The following ATP13A2 variants were observed in gnomAD, a reference collection of about 807,000 sequenced individuals.
The protein encoded by ATP13A2 is ATPase cation transporting 13A2.
In ATP13A2, 83 loss-of-function variants were observed where a neutral mutation model predicts 138.3. The observed-to-expected ratio is 0.60, with a 90% CI of 0.50 to 0.72. The LOEUF (loss-of-function observed/expected upper bound fraction) is 0.72. Among genes scored for constraint, ATP13A2 ranks in the 30% least tolerant of loss-of-function variants. The probability of loss-of-function intolerance (pLI) is 0.00; values close to 1 mark genes in which losing one functional copy is unlikely to be tolerated. For missense variants in ATP13A2, 1,402 were observed against 1,606.4 expected (o/e 0.87, Z 2.17); for synonymous variants, 663 against 699.0 (o/e 0.95, Z 0.81).
intron 6 of ATP13A2, 23 bp from the exon 7 acceptor site, chr1:17,002,396 A>C (rs1286382457): frequency 6.2e-7 from 1 of 1,609,496 alleles, no homozygotes; most frequent in Non-Finnish European, 8.5e-7. Flanking sequence ...GCGAGGGGAC[A>C]CGCATGGGCC....
chr1:17,001,389 T>C (rs925256043), intron 8 of ATP13A2, among the ~76,000 whole-genome samples: 1 of 151,284 alleles, frequency 6.6e-6, no homozygotes, highest in Admixed American at 6.6e-5. Flanking sequence ...GATCACGCCA[T>C]TGCACTCCAG....
At position 16,988,339 on chromosome 1, in the gene ATP13A2, G is replaced by A. The variant is rs372361807; in HGVS notation, c.2745C>T (p.Cys915=). The A allele has an allele frequency of 5.6e-5, 91 of 1,614,048 alleles. No homozygotes were observed. The highest frequency in any genetic ancestry group is 6.8e-5 in the Non-Finnish European group (80 of 1,180,048). Residue 915 remains cysteine (C), a synonymous_variant, in exon 24 of 29, where the codon TGC becomes TGT. Coordinates refer to ENST00000326735, the MANE Select transcript of ATP13A2 (RefSeq NM_022089.4). Reference sequence around the variant, plus strand: ...TGCCTTACCTGATGACCATGGGCACGCACTCAATACTGGCCATGCTCGAGG... The same window carrying A: ...TGCCTTACCTGATGACCATGGGCACACACTCAATACTGGCCATGCTCGAGG... The part of the protein sequence containing the change: ...PFTSSMASIE[C]VPMVIREGRC...
chr1:17,005,468 A>C lies in ATP13A2; in HGVS notation c.194T>G (p.Phe65Cys). 1 of 1,614,234 alleles carries C rather than the reference A, an allele frequency of 6.2e-7. No individual in the cohort carries two copies. The highest frequency in any genetic ancestry group is 8.5e-7 in the Non-Finnish European group (1 of 1,180,052). ...WMMAGIPLLL[F>C]RWKPLWGVRL... ...CACCCCCCACAGGGGCTTCCAACGG[A>C]AGAGCAGCAAAGGGATCCCAGCCAT... Residue 65 changes from phenylalanine to cysteine, a missense_variant, in exon 3 of 29, where the codon TTC becomes TGC. Coordinates refer to ENST00000326735, the MANE Select transcript of ATP13A2 (RefSeq NM_022089.4).
intron 1 of ATP13A2, among the ~76,000 whole-genome samples, chr1:17,009,526 T>G (rs2077701702): frequency 1.3e-5 from 2 of 151,584 alleles, no homozygotes; most frequent in Admixed American, 1.3e-4. Context: ...GCCTCCCAAG[T>G]AGCTGGCACT....
Position 17,011,621 on chromosome 1 carries a change from C to G in ATP13A2, c.10+108G>C. ...AACCAGGTCCCGCTTCCTGGGCTCGCGACCCCGCGGTGGGGGGCGTCGCCT... is the reference window on the plus strand; with the variant it reads ...AACCAGGTCCCGCTTCCTGGGCTCGGGACCCCGCGGTGGGGGGCGTCGCCT... On this transcript the variant is annotated intron_variant, in intron 1 of 28. Coordinates refer to ENST00000326735, the MANE Select transcript of ATP13A2 (RefSeq NM_022089.4). This position sits in a 1 kb window ranked among gnomAD's most constrained non-coding sequence, Gnocchi z 7.3. 1 of 1,346,818 alleles carries G rather than the reference C, an allele frequency of 7.4e-7. No individual in the cohort carries two copies. Among genetic ancestry groups the G allele is most frequent in the Non-Finnish European group, 9.6e-7 (1 of 1,039,112 alleles). 83.4% of individuals were successfully genotyped at this position (1,346,818 alleles called of 1,614,324 possible).
At position 16,996,438 on chromosome 1, in the gene ATP13A2, G is replaced by A. The variant is rs1397286446; in HGVS notation, c.1254C>T (p.Asn418=). The A allele has an allele frequency of 6.2e-7, 1 of 1,614,188 alleles. No homozygotes were observed. Among genetic ancestry groups the A allele is most frequent in the South Asian group, 1.1e-5 (1 of 91,090 alleles). ...VSSILHPRPI[N]FKFYKHSMKF... is the part of the protein sequence containing the mutation. ...TCATGCTGTGTTTATAGAACTTGAA[G>A]TTGATGGGCCGGGGGTGCAAGATGG... The change falls in exon 13 of 29, where the codon AAC becomes AAT. Residue 418 remains asparagine, a synonymous_variant. Coordinates refer to ENST00000326735, the MANE Select transcript of ATP13A2 (RefSeq NM_022089.4).
Position 17,000,156 on chromosome 1 carries a change from G to GGA in ATP13A2, c.908-16_908-15dup. On this transcript the variant is annotated splice_polypyrimidine_tract_variant and intron_variant, in intron 10 of 28. Coordinates refer to ENST00000326735, the MANE Select transcript of ATP13A2 (RefSeq NM_022089.4). ...CCCACTCTTCCTCTGCAGGCAGGCA[G>GGA]GAGAGGAGCTCAGCTAGGTGGGGCC... The GGA allele has an allele frequency of 1.2e-6, 2 of 1,612,974 alleles. No homozygotes were observed. Among genetic ancestry groups the GGA allele is most frequent in the Non-Finnish European group, 1.7e-6 (2 of 1,179,944 alleles).
rs770521949 is a variant in ATP13A2 at position 16,996,006 on chromosome 1, C to T, written c.1512G>A (p.Gly504=). 3 of 1,613,968 alleles carry T rather than the reference C, an allele frequency of 1.9e-6. No individual in the cohort carries two copies. The highest frequency in any genetic ancestry group is 1.3e-5 in the African/African-American group (1 of 74,954). The change falls in exon 15 of 29, where the codon GGG becomes GGA. Residue 504 remains glycine, a synonymous_variant. Coordinates refer to ENST00000326735, the MANE Select transcript of ATP13A2 (RefSeq NM_022089.4). ...CGAAACACACCAGCTGCAGCTTGCC[C>T]CCCAGGTTGATGCGCAGTGGGTGGA... The part of the protein sequence containing the change: ...FCIHPLRINL[G]GKLQLVCFDK...
Position 16,992,326 on chromosome 1 carries a change from A to G in ATP13A2, c.1922T>C (p.Val641Ala), listed in dbSNP as rs761616177. Residue 641 changes from valine to alanine, a missense_variant, in exon 18 of 29, where the codon GTG becomes GCG. By Grantham distance (64) the Val-to-Ala change is moderately conservative. Transcript: ENST00000326735. ...SSALQRMSVV[V>A]AWPGATQPEA... ...GGGCTGAGTGGCCCCTGGCCACGCC[A>G]CCACCACACTCATGCGCTGCAGAGC... 31 of 1,612,780 alleles carry G rather than the reference A, an allele frequency of 1.9e-5. No homozygotes were observed. The East Asian group carries it at 5.8e-4, about 30-fold the overall frequency.
Position 16,992,249 on chromosome 1 carries a change from C to T in ATP13A2, c.1999G>A (p.Glu667Lys), listed in dbSNP as rs776426461. The part of the protein sequence containing the change: ...PELVAGLCNP[E>K]TVPTDFAQML... ...CAGGGGCTTCCCCCTGCACCTGTCT[C>T]GGGGTTGCAGAGCCCTGCCACCAGC... The change falls in exon 18 of 29, where the codon GAG becomes AAG. Residue 667 changes from glutamate (E) to lysine (K), a missense_variant. Glu to Lys is a moderately conservative substitution (Grantham distance 56). Transcript: ENST00000326735. 15 of 1,612,500 alleles carry T rather than the reference C, an allele frequency of 9.3e-6. No individual in the cohort carries two copies. The highest frequency in any genetic ancestry group is 2.7e-5 in the African/African-American group (2 of 74,952).
chr1:16,992,336 T>C lies in ATP13A2; in HGVS notation c.1912A>G (p.Ser638Gly). ...FPFSSALQRMSVVVAWPGATQ... is the reference protein window; with the variant it reads ...FPFSSALQRMGVVVAWPGATQ... ...GCCCCTGGCCACGCCACCACCACAC[T>C]CATGCGCTGCAGAGCCGAAGAGAAG... Residue 638 changes from serine (S) to glycine (G), a missense_variant, in exon 18 of 29, where the codon AGT (serine) becomes GGT (glycine). Physicochemically the swap from Ser to Gly is moderately conservative, Grantham distance 56 (BLOSUM62 0). Coordinates refer to ENST00000326735, the MANE Select transcript of ATP13A2 (RefSeq NM_022089.4). 1 of 1,612,874 alleles carries C rather than the reference T, an allele frequency of 6.2e-7. No individual in the cohort carries two copies. Among genetic ancestry groups the C allele is most frequent in the Non-Finnish European group, 8.5e-7 (1 of 1,179,776 alleles).
rs747994271 is a variant in ATP13A2, at chr1:16,996,249, C to T, written c.1353+5G>A. The T allele has an allele frequency of 3.2e-5, 52 of 1,614,058 alleles. No individual in the cohort carries two copies. Among genetic ancestry groups the T allele is most frequent in the African/African-American group, 5.3e-5 (4 of 74,930 alleles). On this transcript the variant is annotated splice_donor_5th_base_variant and intron_variant, in intron 14 of 28. Coordinates refer to ENST00000326735, the MANE Select transcript of ATP13A2 (RefSeq NM_022089.4). Reference sequence around the variant, plus strand: ...AGCACCCCCCACCCCACCCCCAAGGCTTACCCGGTTTCGGTAGAGGATGAA... The same window carrying T: ...AGCACCCCCCACCCCACCCCCAAGGTTTACCCGGTTTCGGTAGAGGATGAA...
At chr1:16,996,568 C>T in intron 12 of ATP13A2, 72 bp from the exon 13 acceptor site, 1 of 1,189,772 alleles carries the variant, frequency 8.4e-7, no homozygotes. Flanking sequence ...CCTAGCCCTC[C>T]CGACCCGTGC....
Position 16,986,049 on chromosome 1 carries a change from AGG to A in ATP13A2, c.*170_*171del. 2.7e-6 allele frequency: 4 copies of A among 1,496,748 alleles called. No homozygotes were observed. Among genetic ancestry groups the A allele is most frequent in the Non-Finnish European group, 3.6e-6 (4 of 1,120,668 alleles). 92.7% of individuals were successfully genotyped at this position (1,496,748 alleles called of 1,614,324 possible). A position where few individuals can be genotyped will look rare whatever the true frequency, so the allele number is the denominator to read the frequency against. On this transcript the variant is annotated 3_prime_UTR_variant, in exon 29 of 29. Coordinates refer to ENST00000326735, the MANE Select transcript of ATP13A2 (RefSeq NM_022089.4). This position sits in a 1 kb window ranked among gnomAD's most constrained non-coding sequence, Gnocchi z 6.9. ...ACCCCTACGCGGGATGGTCCAAGGTAGGGGACAGTAGTCAACGCTTCCCCAGG... is the reference window on the plus strand; with the variant it reads ...ACCCCTACGCGGGATGGTCCAAGGTAGGACAGTAGTCAACGCTTCCCCAGG...
At chr1:17,003,985 T>C (rs930982128) in intron 6 of ATP13A2, among the ~76,000 whole-genome samples, 3 of 152,130 alleles carry the variant, frequency 2.0e-5, no homozygotes, top group Non-Finnish European at 2.9e-5. Flanking sequence ...CTTAAGCCTT[T>C]TGTAGGTGGC....
rs1463031705 is a variant in ATP13A2 at position 17,005,487 on chromosome 1, C to A, written c.175G>T (p.Gly59Trp). Reference protein sequence around the residue: ...GYHVVVWMMAGIPLLLFRWKP... With the variant: ...GYHVVVWMMAWIPLLLFRWKP... ...CAACGGAAGAGCAGCAAAGGGATCC[C>A]AGCCATCATCCAGACCACGACGTGA... The change falls in exon 3 of 29, where the codon GGG becomes TGG. Residue 59 changes from glycine to tryptophan, a missense_variant. Transcript: ENST00000326735. The A allele has an allele frequency of 6.2e-7, 1 of 1,614,256 alleles. No homozygotes were observed. Among genetic ancestry groups the A allele is most frequent in the African/African-American group, 1.3e-5 (1 of 75,080 alleles).
Position 16,992,274 on chromosome 1 carries a change from C to T in ATP13A2, c.1974G>A (p.Glu658=). 1.2e-6 allele frequency: 2 copies of T among 1,612,632 alleles called. No individual in the cohort carries two copies. The highest frequency in any genetic ancestry group is 1.7e-6 in the Non-Finnish European group (2 of 1,179,944). Residue 658 remains glutamate (E), a synonymous_variant, in exon 18 of 29, where the codon GAG becomes GAA. Transcript: ENST00000326735. ...CGGGGTTGCAGAGCCCTGCCACCAG[C>T]TCCGGGGAGCCTTTGACGTAGGCCT... is the stretch of plus-strand genomic sequence containing the variant. The part of the protein sequence containing the change: ...QPEAYVKGSP[E]LVAGLCNPET...
At chr1:17,007,183 A>G (rs1272069240) in intron 1 of ATP13A2, among the ~76,000 whole-genome samples, 1 of 151,880 alleles carries the variant, frequency 6.6e-6, no homozygotes, top group African/African-American at 2.4e-5. Flanking sequence ...GGCCACAGAC[A>G]TTCTTTTCAC....
At chr1:16,992,605 G>A in intron 16 of ATP13A2, 24 bp from the exon 17 acceptor site, 2 of 1,612,558 alleles carry the variant, frequency 1.2e-6, no homozygotes, top group Non-Finnish European at 1.7e-6. Flanking sequence ...AGGGAAGTTT[G>A]GTGTCTGGGG....
Sources: allele counts gnomAD v4.1 joint callset (sites outside exome capture counted in the v4.1 genomes callset), GRCh38; gene constraint gnomAD v4.1.1; non-coding constraint Gnocchi (gnomAD v3.1); transcripts MANE v1.5; gene names NCBI Gene and HGNC (gene_info 2026-07-23, HGNC 2026-07-21).